The following MITF variants were observed in gnomAD, a reference collection of about 807,000 sequenced individuals.
The protein encoded by MITF is microphthalmia-associated transcription factor.
In MITF, 17 loss-of-function variants were observed where a neutral mutation model predicts 60.5. The ratio of observed to expected loss-of-function variants is 0.28; its 90% CI spans 0.19 to 0.42. The LOEUF (loss-of-function observed/expected upper bound fraction) is 0.42, where lower values mean the gene tolerates loss of function less well. MITF is among the 10% of genes least tolerant of loss of function. MITF has a pLI of 1.00. For missense variants in MITF, 622 were observed against 683.5 expected (o/e 0.91, Z 1.00); for synonymous variants, 260 against 248.5 (o/e 1.05, Z -0.43).
chr3:69,870,440 A>ATAT (rs1435617160), intron 1 of MITF, among the ~76,000 whole-genome samples: 8 of 135,252 alleles, frequency 5.9e-5, no homozygotes, highest in South Asian at 2.3e-4. Flanking sequence ...ATATATATAT[A>ATAT]TTTTTTTTTT....
chr3:69,932,857 T>A (rs1396839802), intron 2 of MITF, among the ~76,000 whole-genome samples: 1 of 152,160 alleles, frequency 6.6e-6, no homozygotes, highest in Non-Finnish European at 1.5e-5. Context: ...ACATTCTCTA[T>A]GGATTGCCAT....
chr3:69,870,406 G>GTA (rs1230881230), intron 1 of MITF, among the ~76,000 whole-genome samples: 18 of 146,942 alleles, frequency 1.2e-4, no homozygotes, highest in South Asian at 2.1e-4. Context: ...AAATATATGT[G>GTA]TATATATATA....
chr3:69,794,350 T>C (rs1414974083), intron 1 of MITF, among the ~76,000 whole-genome samples: 2 of 152,234 alleles, frequency 1.3e-5, no homozygotes, highest in Non-Finnish European at 2.9e-5. Flanking sequence ...ATCAGAAATG[T>C]GACCCCTTAT....
At chr3:69,761,820 T>G (rs189676602) in intron 1 of MITF, among the ~76,000 whole-genome samples, 24 of 152,312 alleles carry the variant, frequency 1.6e-4, no homozygotes, top group African/African-American at 5.8e-4. Flanking sequence ...AGTGGTAGAT[T>G]TTCCTAATTT....
chr3:69,941,946 C>T (rs1467404882), intron 5 of MITF, among the ~76,000 whole-genome samples: 5 of 152,120 alleles, frequency 3.3e-5, no homozygotes, highest in Admixed American at 6.6e-5. Flanking sequence ...TTAGTCCTTG[C>T]AGTTATTCTG....
intron 3 of MITF, chr3:69,938,453 T>G: frequency 6.7e-7 from 1 of 1,494,296 alleles, no homozygotes; most frequent in Non-Finnish European, 8.9e-7. Flanking sequence ...GTTCCGCTTG[T>G]TGTGAATGTC....
chr3:69,882,267 C>T (rs1370016780), intron 2 of MITF, among the ~76,000 whole-genome samples: 3 of 151,974 alleles, frequency 2.0e-5, no homozygotes, highest in East Asian at 1.9e-4. Context: ...GTCATTGTGC[C>T]GTGAGTAAGT....
intron 2 of MITF, among the ~76,000 whole-genome samples, chr3:69,894,673 TG>T (rs1304580465): frequency 2.3e-5 from 3 of 131,714 alleles, no homozygotes; most frequent in African/African-American, 9.1e-5. Context: ...GCAACAAGAG[TG>T]AAAAAAAAAA....
intron 1 of MITF, among the ~76,000 whole-genome samples, chr3:69,786,558 T>C (rs1575710065): frequency 1.3e-5 from 2 of 152,116 alleles, no homozygotes; most frequent in African/African-American, 4.8e-5. Context: ...ATCTAAAAAG[T>C]GTTTACTGCT....
At chr3:69,963,617 C>G (rs2107548472) in intron 9 of MITF, among the ~76,000 whole-genome samples, 1 of 152,280 alleles carries the variant, frequency 6.6e-6, no homozygotes, top group East Asian at 1.9e-4. Context: ...CACTGCACGA[C>G]TTCTAAAGTC....
intron 2 of MITF, among the ~76,000 whole-genome samples, chr3:69,925,791 G>T (rs1258748054): frequency 6.6e-6 from 1 of 152,076 alleles, no homozygotes; most frequent in African/African-American, 2.4e-5. Context: ...GATCTCTTCT[G>T]TACCTCACCA....
intron 1 of MITF, among the ~76,000 whole-genome samples, chr3:69,868,520 G>A (rs58917269): frequency 6.6e-6 from 1 of 152,048 alleles, no homozygotes; most frequent in African/African-American, 2.4e-5. Flanking sequence ...TAACTCATTT[G>A]AGCTCTTGAG....
intron 1 of MITF, among the ~76,000 whole-genome samples, chr3:69,855,243 C>T (rs1412536268): frequency 8.2e-6 from 1 of 121,260 alleles, no homozygotes; most frequent in Non-Finnish European, 1.6e-5. Context: ...TTAAAAATTG[C>T]TTCCATTTCC....
intron 1 of MITF, among the ~76,000 whole-genome samples, chr3:69,832,103 C>T (rs2063457712): frequency 1.3e-5 from 2 of 152,150 alleles, no homozygotes; most frequent in African/African-American, 4.8e-5. Flanking sequence ...TGAGTGAATA[C>T]AATACATGTC....
At chr3:69,829,731 A>G (rs1377991930) in intron 1 of MITF, among the ~76,000 whole-genome samples, 2 of 152,102 alleles carry the variant, frequency 1.3e-5, no homozygotes, top group Admixed American at 6.5e-5. Flanking sequence ...TCCACCTGTC[A>G]TTTGGTTCCA....
chr3:69,883,005 C>T (rs2064524767), intron 2 of MITF, among the ~76,000 whole-genome samples: 1 of 152,122 alleles, frequency 6.6e-6, no homozygotes, highest in South Asian at 2.1e-4. Context: ...TCTCTCCCTC[C>T]CTTCCTTTCA....
intron 1 of MITF, among the ~76,000 whole-genome samples, chr3:69,869,550 C>T (rs2064183288): frequency 6.6e-6 from 1 of 152,168 alleles, no homozygotes; most frequent in Admixed American, 6.5e-5. Flanking sequence ...CATTCTTAAG[C>T]CAGGACACTT....
intron 1 of MITF, among the ~76,000 whole-genome samples, chr3:69,839,273 G>A (rs988498683): frequency 6.6e-6 from 1 of 151,484 alleles, no homozygotes; most frequent in African/African-American, 2.4e-5. Context: ...TTACAAATGA[G>A]CTTTGTAGTG....
At chr3:69,938,149 T>G in intron 3 of MITF, 100 bp downstream of exon 3, 1 of 1,345,136 alleles carries the variant, frequency 7.4e-7, no homozygotes, top group Non-Finnish European at 1.0e-6. Context: ...TTTGTCCTTG[T>G]GGCCACATTT....
Sources: allele counts gnomAD v4.1 joint callset (sites outside exome capture counted in the v4.1 genomes callset), GRCh38; gene constraint gnomAD v4.1.1; transcripts MANE v1.5; gene names NCBI Gene and HGNC (gene_info 2026-07-23, HGNC 2026-07-21).